Variants in DAB2 observed in about 807,000 individuals in gnomAD.
The protein encoded by DAB2 is DAB adaptor protein 2.
A neutral mutation model predicts 71.6 loss-of-function variants in DAB2; 28 were observed. The observed-to-expected ratio is 0.39, with a 90% confidence interval of 0.29 to 0.54. The LOEUF is 0.54. Among genes scored for constraint, DAB2 ranks in the 20% least tolerant of loss-of-function variants. The pLI is 0.68. For synonymous variants in DAB2, 345 were observed against 339.7 expected (o/e 1.02, Z -0.17); for missense variants, 867 against 928.8 (o/e 0.93, Z 0.86).
Position 39,393,302 on chromosome 5 carries a change from T to G in DAB2, c.183A>C (p.Pro61=). The change falls in exon 3 of 15, where the codon CCA becomes CCC. Residue 61 remains proline (P), a synonymous_variant. Transcript: ENST00000320816. ...GGCTCATTTTATCCCCTCTTGCATC[T>G]GGCACATCATCAATGCCAATCAGCT... ...KAKLIGIDDV[P]DARGDKMSQD... 6.2e-7 allele frequency: 1 copy of G among 1,614,060 alleles called. No individual in the cohort carries two copies. The highest frequency in any genetic ancestry group is 1.3e-5 in the African/African-American group (1 of 75,040).
intron 1 of DAB2, among the ~76,000 whole-genome samples, chr5:39,407,265 G>A (rs1001970882): frequency 2.0e-5 from 3 of 152,112 alleles, no homozygotes; most frequent in Admixed American, 6.5e-5. Context: ...TGTTGCCCAC[G>A]CTGGAGTGCA....
intron 1 of DAB2, among the ~76,000 whole-genome samples, chr5:39,407,375 C>T (rs891688739): frequency 7.9e-5 from 12 of 152,092 alleles, no homozygotes; most frequent in Non-Finnish European, 1.0e-4. Flanking sequence ...GCTTGCCACA[C>T]TGCCTGGCTA....
intron 1 of DAB2, among the ~76,000 whole-genome samples, chr5:39,396,005 C>T (rs1302626798): frequency 8.1e-6 from 1 of 123,574 alleles, no homozygotes; most frequent in Non-Finnish European, 1.6e-5. Flanking sequence ...TGCAGTGGCA[C>T]GATTTCGGCC....
At chr5:39,378,184 C>T (rs1010664448) in intron 11 of DAB2, among the ~76,000 whole-genome samples, 4 of 152,170 alleles carry the variant, frequency 2.6e-5, no homozygotes, top group Non-Finnish European at 2.9e-5. Flanking sequence ...ATCAGGAATT[C>T]GTTAAATCGC....
rs112872018 is a variant in DAB2, at chr5:39,383,783, A to G, written c.688-512T>C. ...ATCATCTCTCTAAATGAGAAAATTC[A>G]TCGACTAATACATTCATATTTTATA... On this transcript the variant is annotated intron_variant, in intron 9 of 14. Transcript: ENST00000320816. Among the ~76,000 whole-genome samples the G allele has an allele frequency of 6.0e-3, 916 of 152,338 alleles. 7 individuals are homozygous for G. Among genetic ancestry groups the G allele is most frequent in the Non-Finnish European group, 0.011 (721 of 68,026 alleles).
intron 1 of DAB2, among the ~76,000 whole-genome samples, chr5:39,416,210 C>T (rs111421606): frequency 1.7e-3 from 266 of 152,182 alleles, no homozygotes; most frequent in African/African-American, 6.1e-3. Flanking sequence ...ATCTTTTCTA[C>T]ACACATAGCA....
chr5:39,381,703 A>C, intron 10 of DAB2, 87 bp from the exon 11 acceptor site: 1 of 1,448,180 alleles, frequency 6.9e-7, no homozygotes, highest in Non-Finnish European at 9.4e-7. Flanking sequence ...CTATACCCCA[A>C]TTTGAGAGCC....
chr5:39,407,661 C>A (rs1402535936), intron 1 of DAB2, among the ~76,000 whole-genome samples: 2 of 152,230 alleles, frequency 1.3e-5, no homozygotes, highest in African/African-American at 2.4e-5. Context: ...AGGATACAAT[C>A]ATTTCTTCAT....
chr5:39,379,525 G>A (rs1290165443), intron 11 of DAB2, among the ~76,000 whole-genome samples: 1 of 150,184 alleles, frequency 6.7e-6, no homozygotes, highest in Non-Finnish European at 1.5e-5. Context: ...ACTTATACCA[G>A]TCTTCATTCC....
intron 6 of DAB2, 138 bp from the exon 7 acceptor site, chr5:39,389,261 C>A (rs909186231): frequency 1.0e-5 from 6 of 598,596 alleles, no homozygotes; most frequent in Non-Finnish European, 1.7e-5. Flanking sequence ...CCGTTCCCCT[C>A]CCCTTTTCAT....
chr5:39,390,660 T>C, intron 4 of DAB2, 85 bp from the exon 5 acceptor site: 1 of 957,062 alleles, frequency 1.0e-6, no homozygotes, highest in Non-Finnish European at 1.5e-6. Context: ...GACACATATA[T>C]GAAGGCATAT....
At chr5:39,395,231 T>A (rs906612239) in intron 1 of DAB2, among the ~76,000 whole-genome samples, 1 of 6,550 alleles carries the variant, frequency 1.5e-4, no homozygotes, top group Admixed American at 5.1e-4. Context: ...GAGCCAATGT[T>A]TCTATATGCT....
chr5:39,417,443 T>C (rs1317823162), intron 1 of DAB2: 3 of 152,198 alleles, frequency 2.0e-5, no homozygotes, highest in Admixed American at 1.3e-4. Flanking sequence ...TTTAGGCATA[T>C]CCTAAGTTCA....
chr5:39,384,913 T>G (rs929299779), intron 9 of DAB2, among the ~76,000 whole-genome samples: 1 of 151,942 alleles, frequency 6.6e-6, no homozygotes, highest in African/African-American at 2.4e-5. Flanking sequence ...AATAAACAAC[T>G]TCAAGGGAAT....
intron 1 of DAB2, among the ~76,000 whole-genome samples, chr5:39,405,225 C>T (rs572047010): frequency 1.5e-4 from 23 of 152,240 alleles, no homozygotes; most frequent in African/African-American, 5.1e-4. Flanking sequence ...CTTTTGATCA[C>T]GTGGAATTTT....
intron 1 of DAB2, among the ~76,000 whole-genome samples, chr5:39,415,339 C>T (rs1339990573): frequency 6.6e-6 from 1 of 152,038 alleles, no homozygotes; most frequent in African/African-American, 2.4e-5. Context: ...AGTGATGTTT[C>T]CTTCAGAGTT....
chr5:39,388,462 G>T, intron 8 of DAB2, 95 bp from the exon 9 acceptor site: 1 of 896,450 alleles, frequency 1.1e-6, no homozygotes, highest in South Asian at 1.5e-5. Flanking sequence ...TAGGAAAGTA[G>T]CTGTCACAAT....
chr5:39,395,849 T>C (rs62358416), intron 1 of DAB2, among the ~76,000 whole-genome samples: 4,184 of 151,896 alleles, frequency 0.028, 88 homozygotes, highest in South Asian at 0.086. Flanking sequence ...ACCTTTTAAT[T>C]GTATAACTTT....
At chr5:39,382,096 T>C (rs931115774) in intron 10 of DAB2, among the ~76,000 whole-genome samples, 1 of 152,232 alleles carries the variant, frequency 6.6e-6, no homozygotes, top group Non-Finnish European at 1.5e-5. Flanking sequence ...TTTAAATTGC[T>C]CTTAAATAAA....
Sources: gnomAD v4.1 joint callset for allele counts (sites outside exome capture counted in the v4.1 genomes callset) on GRCh38, gnomAD v4.1.1 for gene constraint, MANE v1.5 for transcripts, NCBI Gene and HGNC (gene_info 2026-07-23, HGNC 2026-07-21) for gene names.